The following FLNB variants were observed in gnomAD, a reference collection of about 807,000 sequenced individuals.
FLNB encodes the protein filamin-B.
In FLNB, 111 loss-of-function variants were observed where a neutral mutation model predicts 250.6. That is an observed-to-expected ratio of 0.44 (90% CI 0.38 to 0.52). The LOEUF (loss-of-function observed/expected upper bound fraction) is 0.52. FLNB is among the 20% of genes least tolerant of loss of function. The probability of loss-of-function intolerance (pLI) is 0.00; values close to 1 mark genes in which losing one functional copy is unlikely to be tolerated. For synonymous variants in FLNB, 1,302 were observed against 1,372.1 expected, an observed-to-expected ratio of 0.95 and a Z score of 1.13; for missense variants, 2,869 against 3,447.8, an observed-to-expected ratio of 0.83 and a Z score of 4.20.
chr3:58,064,086 T>G (rs1316555676), intron 1 of FLNB, among the ~76,000 whole-genome samples: 1 of 152,206 alleles, frequency 6.6e-6, no homozygotes, highest in Non-Finnish European at 1.5e-5. Flanking sequence ...CTTTCTCATT[T>G]AAAAGTATAA....
In FLNB at chr3:58,124,373, C is replaced by T. The variant is rs139944866; in HGVS notation, c.3766C>T (p.Arg1256Trp). ...TACCACCGACTTTACAGTTGACTCT[C>T]GGCCGCTGACCCAGGTTGGGGGTGA... ...EATTDFTVDS[R>W]PLTQVGGDHI... The change falls in exon 22 of 46, where the codon CGG becomes TGG. Residue 1256 changes from arginine to tryptophan, a missense_variant. Transcript: ENST00000295956. 2.2e-5 allele frequency: 35 copies of T among 1,614,106 alleles called. No homozygotes were observed. The highest frequency in any genetic ancestry group is 2.1e-4 in the African/African-American group (16 of 74,922).
rs554916334 is a variant in FLNB, at chr3:58,168,351, G to T, written c.7199-89G>T. 18 of 967,146 alleles carry T rather than the reference G, an allele frequency of 1.9e-5. No homozygotes were observed. The South Asian group carries it at 2.3e-4, about 13-fold the overall frequency. The allele number at this position is 967,146 out of a possible 1,614,324, so 59.9% of individuals were successfully genotyped here. A position where few individuals can be genotyped will look rare whatever the true frequency, so the allele number is the denominator to read the frequency against. ...CACCAGGGTGAGCCCTCTGTAAGGG[G>T]ATCTATGTGTGTCCCTCACCACGGC... is the stretch of plus-strand genomic sequence containing the variant. On this transcript the variant is annotated intron_variant, in intron 43 of 45. Transcript: ENST00000295956.
chr3:58,100,521 C>G (rs569913618), intron 8 of FLNB, among the ~76,000 whole-genome samples: 28 of 150,318 alleles, frequency 1.9e-4, no homozygotes, highest in African/African-American at 6.6e-4. Context: ...TCTTGAGTAG[C>G]TAAGACTGTA....
intron 1 of FLNB, among the ~76,000 whole-genome samples, chr3:58,053,392 C>T (rs1384030549): frequency 4.6e-5 from 7 of 152,120 alleles, no homozygotes; most frequent in Non-Finnish European, 8.8e-5. Context: ...AGTCACAGTC[C>T]GTTGTTAAAT....
chr3:58,151,829 G>C (rs2097345588), intron 38 of FLNB, among the ~76,000 whole-genome samples: 1 of 152,152 alleles, frequency 6.6e-6, no homozygotes, highest in African/African-American at 2.4e-5. Flanking sequence ...CCCAGGAGTG[G>C]GCTGGGCTGG....
chr3:58,040,598 G>A (rs754313608), intron 1 of FLNB, among the ~76,000 whole-genome samples: 1 of 152,174 alleles, frequency 6.6e-6, no homozygotes, highest in Admixed American at 6.5e-5. Flanking sequence ...TGGTTCAAGC[G>A]ATTCTCCTGC....
intron 1 of FLNB, among the ~76,000 whole-genome samples, chr3:58,041,649 C>T (rs750082171): frequency 7.2e-5 from 11 of 152,230 alleles, no homozygotes; most frequent in Non-Finnish European, 1.0e-4. Flanking sequence ...GCCGGGAAGA[C>T]AAGCACTCTT....
chr3:58,106,352 C>CTATATA lies in FLNB; in HGVS notation c.1748-308_1748-303dup, dbSNP rs10540627. ...TAAAATACATATAATGTATTTAATA[C>CTATATA]TATATATATATATATATATATATAT... On this transcript the variant is annotated intron_variant, in intron 11 of 45. Coordinates refer to ENST00000295956, the MANE Select transcript of FLNB (RefSeq NM_001457.4). Among the ~76,000 whole-genome samples, 1,019 of 132,940 alleles carry CTATATA rather than the reference C, an allele frequency of 7.7e-3. 18 individuals carry two copies. Among genetic ancestry groups the CTATATA allele is most frequent in the African/African-American group, 0.017 (628 of 36,838 alleles). 87.2% of individuals were successfully genotyped at this position (132,940 alleles called of 152,430 possible). A position where few individuals can be genotyped will look rare whatever the true frequency, so the allele number is the denominator to read the frequency against.
At chr3:58,156,878 G>T (rs757225836) in intron 41 of FLNB, among the ~76,000 whole-genome samples, 7 of 152,102 alleles carry the variant, frequency 4.6e-5, no homozygotes, top group African/African-American at 1.7e-4. Flanking sequence ...TGGATTTTTC[G>T]TAGAGATGGG....
At chr3:58,085,228 A>T (rs570142575) in intron 4 of FLNB, among the ~76,000 whole-genome samples, 23 of 152,204 alleles carry the variant, frequency 1.5e-4, no homozygotes, top group Non-Finnish European at 2.5e-4. Flanking sequence ...TGGTAATTCT[A>T]TATGCAGCTT....
At chr3:58,082,056 G>C (rs1248051067) in intron 4 of FLNB, among the ~76,000 whole-genome samples, 2 of 152,140 alleles carry the variant, frequency 1.3e-5, no homozygotes, top group Non-Finnish European at 2.9e-5. Flanking sequence ...GAGGAATCGC[G>C]GGGTAGGGAG....
At chr3:58,119,108 C>T (rs1211691003) in intron 19 of FLNB, 119 bp downstream of exon 19, 54 of 810,058 alleles carry the variant, frequency 6.7e-5, no homozygotes, top group Non-Finnish European at 1.1e-4. Flanking sequence ...AGAGACTTTG[C>T]AGTTGCACAG....
chr3:58,132,663 G>A (rs2097309427), intron 25 of FLNB, 145 bp from the exon 26 acceptor site: 1 of 988,262 alleles, frequency 1.0e-6, no homozygotes, highest in Non-Finnish European at 1.6e-6. Flanking sequence ...TTTCAGGCCT[G>A]TGATTATGGT....
Position 58,078,733 on chromosome 3 carries a change from G to A in FLNB, c.558G>A (p.Trp186Ter). 6.2e-7 allele frequency: 1 copy of A among 1,613,680 alleles called. No individual in the cohort carries two copies. The highest frequency in any genetic ancestry group is 8.5e-7 in the Non-Finnish European group (1 of 1,179,832). The change falls in exon 3 of 46, where the codon TGG becomes TGA. Residue 186 changes from tryptophan (W) to a stop codon, truncating the protein, a stop_gained. Coordinates refer to ENST00000295956, the MANE Select transcript of FLNB (RefSeq NM_001457.4). LOFTEE classifies it high-confidence loss of function. ...TGTTAACAGGTCTGTGCCCAGACTG[G>A]GAATCCTGGGACCCGCAGAAGCCTG... ...DSCAPGLCPD[W>*]ESWDPQKPVD...
At position 58,146,002 on chromosome 3, in the gene FLNB, C is replaced by A; in HGVS notation, c.5507C>A (p.Ala1836Asp). ...GGTCCAGGCCTCGTGTATGGAGTGG[C>A]CAACAAAACTGCCACCTTCACCATC... The part of the protein sequence containing the change: ...AYGPGLVYGV[A>D]NKTATFTIVT... Residue 1836 changes from alanine (A) to aspartate (D), a missense_variant, in exon 33 of 46, where the codon GCC becomes GAC. By Grantham distance (126) the Ala-to-Asp change is moderately radical. Coordinates refer to ENST00000295956, the MANE Select transcript of FLNB (RefSeq NM_001457.4). 2.5e-6 allele frequency: 4 copies of A among 1,614,182 alleles called. No homozygotes were observed. Among genetic ancestry groups the A allele is most frequent in the Non-Finnish European group, 2.5e-6 (3 of 1,180,032 alleles).
intron 18 of FLNB, among the ~76,000 whole-genome samples, chr3:58,117,424 T>C (rs1382133216): frequency 6.6e-6 from 1 of 152,218 alleles, no homozygotes; most frequent in Non-Finnish European, 1.5e-5. Flanking sequence ...CCTCTCTTTT[T>C]TAGCACTTCA....
intron 19 of FLNB, 127 bp from the exon 20 acceptor site, chr3:58,121,114 C>A (rs995618722): frequency 6.0e-6 from 7 of 1,166,574 alleles, no homozygotes; most frequent in Non-Finnish European, 9.0e-6. Flanking sequence ...TCCTCTGCAG[C>A]AGCTGTTGCT....
At chr3:58,091,603 G>C (rs1559686011) in intron 4 of FLNB, among the ~76,000 whole-genome samples, 1 of 149,800 alleles carries the variant, frequency 6.7e-6, no homozygotes, top group Admixed American at 6.8e-5. Context: ...ATAGTTCTCA[G>C]ATTTGACACC....
chr3:58,159,608 G>C lies in FLNB; in HGVS notation c.6943G>C (p.Ala2315Pro). The change falls in exon 42 of 46, where the codon GCA becomes CCA. Residue 2315 changes from alanine to proline, a missense_variant. Physicochemically the swap from Ala to Pro is conservative, Grantham distance 27. Around this residue, in one of 5 missense-constraint regions of FLNB, gnomAD observed 1,084 missense variants for 1,315.5 expected, o/e 0.82. Transcript: ENST00000295956. ...ATCCTTTGCTATAAGGTTGAATGGCGCAAAAGGCAAGATTGATGCAAAGGT... is the reference window on the plus strand; with the variant it reads ...ATCCTTTGCTATAAGGTTGAATGGCCCAAAAGGCAAGATTGATGCAAAGGT... ...PASFAIRLNG[A>P]KGKIDAKVHS... The C allele has an allele frequency of 6.2e-7, 1 of 1,614,014 alleles. No homozygotes were observed. Among genetic ancestry groups the C allele is most frequent in the Non-Finnish European group, 8.5e-7 (1 of 1,179,992 alleles).
Sources: gnomAD v4.1 joint callset for allele counts (sites outside exome capture counted in the v4.1 genomes callset) on GRCh38, gnomAD v4.1.1 for gene constraint, gnomAD v4.1.1 regional missense constraint, MANE v1.5 for transcripts, NCBI Gene and HGNC (gene_info 2026-07-23, HGNC 2026-07-21) for gene names.